Variants in NRXN3 observed in about 807,000 individuals in gnomAD.
The protein encoded by NRXN3 is neurexin III.
A neutral mutation model predicts 137.6 loss-of-function variants in NRXN3; 32 were observed. The ratio of observed to expected loss-of-function variants is 0.23; its 90% CI spans 0.18 to 0.31. The LOEUF is 0.31. Among genes scored for constraint, NRXN3 ranks in the 10% least tolerant of loss-of-function variants. NRXN3 has a pLI of 1.00. For missense variants in NRXN3, 1,574 were observed against 2,062.5 expected (o/e 0.76, Z 4.59); for synonymous variants, 798 against 784.5 (o/e 1.02, Z -0.29).
rs2141954574 is a variant in NRXN3 at position 79,861,176 on chromosome 14, T to C, written c.4094-166T>C. On this transcript the variant is annotated intron_variant, in intron 20 of 20. Transcript: ENST00000335750. This position sits in a 1 kb window ranked among gnomAD's most constrained non-coding sequence, Gnocchi z 5.4. Reference sequence around the variant, plus strand: ...TATTGAGACCACCAAAGATTCCCTGTCCATGACCTCTGAGGCGGGGTTACC... The same window carrying C: ...TATTGAGACCACCAAAGATTCCCTGCCCATGACCTCTGAGGCGGGGTTACC... 1.3e-6 allele frequency: 2 copies of C among 1,529,258 alleles called. No homozygotes were observed. Among genetic ancestry groups the C allele is most frequent in the East Asian group, 2.5e-5 (1 of 40,390 alleles). 94.7% of individuals were successfully genotyped at this position (1,529,258 alleles called of 1,614,324 possible). A position where few individuals can be genotyped will look rare whatever the true frequency, so the allele number is the denominator to read the frequency against.
At chr14:78,704,699 T>C (rs2098327908) in intron 6 of NRXN3, among the ~76,000 whole-genome samples, 1 of 152,148 alleles carries the variant, frequency 6.6e-6, no homozygotes, top group Non-Finnish European at 1.5e-5. Context: ...TCAAGTTCTG[T>C]TTATGCATTT....
At chr14:79,034,126 T>C (rs1461479371) in intron 15 of NRXN3, among the ~76,000 whole-genome samples, 4 of 152,042 alleles carry the variant, frequency 2.6e-5, no homozygotes, top group African/African-American at 9.7e-5. Context: ...AGCCTCAACA[T>C]GTGCCTTCTA....
intron 15 of NRXN3, among the ~76,000 whole-genome samples, chr14:79,300,001 C>T (rs560005528): frequency 3.3e-5 from 5 of 152,094 alleles, no homozygotes; most frequent in South Asian, 2.1e-4. Flanking sequence ...AAAGTTCCTG[C>T]GTTGGAAAAT....
intron 8 of NRXN3, among the ~76,000 whole-genome samples, chr14:78,747,231 G>A (rs544372822): frequency 1.8e-4 from 28 of 152,136 alleles, no homozygotes; most frequent in Non-Finnish European, 1.3e-4. Context: ...AATCCTATGC[G>A]GATGTAGGTC....
At chr14:79,854,613 G>A (rs576711716) in intron 20 of NRXN3, among the ~76,000 whole-genome samples, 3 of 152,196 alleles carry the variant, frequency 2.0e-5, no homozygotes, top group Middle Eastern at 3.4e-3. Flanking sequence ...TTTCACCACC[G>A]TGTTTAAAGC....
rs117469240 is a variant in NRXN3 at position 79,610,156 on chromosome 14, G to T, written c.3445-53622G>T. Among the ~76,000 whole-genome samples, 875 of 152,144 alleles carry T rather than the reference G, an allele frequency of 5.8e-3. 8 individuals carry two copies. The highest frequency in any genetic ancestry group is 8.0e-3 in the Non-Finnish European group (542 of 68,024). ...TATAGTATAATAATGATATGGATAT[G>T]GCCTAATTCATAGAGTCAACATTCT... On this transcript the variant is annotated intron_variant, in intron 16 of 20. Transcript: ENST00000335750.
At chr14:78,894,604 T>C (rs1268392104) in intron 10 of NRXN3, among the ~76,000 whole-genome samples, 1 of 151,948 alleles carries the variant, frequency 6.6e-6, no homozygotes, top group Non-Finnish European at 1.5e-5. Context: ...ACTTCTCCCA[T>C]GAATCACGAA....
At chr14:79,238,383 A>G (rs2073777070) in intron 15 of NRXN3, among the ~76,000 whole-genome samples, 1 of 152,148 alleles carries the variant, frequency 6.6e-6, no homozygotes, top group African/African-American at 2.4e-5. Context: ...CTATAGAGAC[A>G]TATTCTCCCA....
chr14:79,468,973 G>T (rs1040474861), intron 16 of NRXN3, among the ~76,000 whole-genome samples: 1 of 152,136 alleles, frequency 6.6e-6, no homozygotes, highest in Non-Finnish European at 1.5e-5. Flanking sequence ...AAGAAAGGCA[G>T]CCATACTTAC....
intron 9 of NRXN3, among the ~76,000 whole-genome samples, chr14:78,809,645 C>A (rs1357968008): frequency 6.6e-6 from 1 of 152,158 alleles, no homozygotes; most frequent in Non-Finnish European, 1.5e-5. Flanking sequence ...GTGGTGTTAA[C>A]CCTTTCCTTA....
chr14:79,455,278 T>C (rs1567173860), intron 15 of NRXN3, among the ~76,000 whole-genome samples: 1 of 152,182 alleles, frequency 6.6e-6, no homozygotes, highest in Non-Finnish European at 1.5e-5. Flanking sequence ...TTTTATAAGA[T>C]CGTTTGTCCC....
At chr14:79,655,013 G>A (rs1181276935) in intron 16 of NRXN3, among the ~76,000 whole-genome samples, 1 of 152,158 alleles carries the variant, frequency 6.6e-6, no homozygotes, top group Non-Finnish European at 1.5e-5. Flanking sequence ...AGGAGCAGCT[G>A]CTCATTTTTG....
At chr14:79,738,716 G>A (rs1219618800) in intron 19 of NRXN3, among the ~76,000 whole-genome samples, 3 of 151,908 alleles carry the variant, frequency 2.0e-5, no homozygotes, top group South Asian at 4.1e-4. Context: ...TCACCACCAC[G>A]CCCAGCTAAT....
chr14:78,479,100 A>G (rs1442858543), intron 4 of NRXN3, among the ~76,000 whole-genome samples: 2 of 152,210 alleles, frequency 1.3e-5, no homozygotes, highest in East Asian at 3.8e-4. Flanking sequence ...TTCATAAGTG[A>G]GAAAATTATT....
chr14:78,456,799 C>CTCTCTCTTTCTTTCTTTCTTTCTTTCTT (rs1555539840), intron 4 of NRXN3, among the ~76,000 whole-genome samples: 1 of 97,620 alleles, frequency 1.0e-5, no homozygotes, highest in East Asian at 3.0e-4. Flanking sequence ...CTCTCTTTCT[C>CTCTCTCTTTCTTTCTTTCTTTCTTTCTT]TCTTTCTTTC....
chr14:79,620,043 A>G (rs976930742), intron 16 of NRXN3, among the ~76,000 whole-genome samples: 1 of 152,124 alleles, frequency 6.6e-6, no homozygotes, highest in Non-Finnish European at 1.5e-5. Flanking sequence ...TTGCATCTGG[A>G]GTTGGCTCCA....
chr14:79,250,555 C>A (rs942524329), intron 15 of NRXN3, among the ~76,000 whole-genome samples: 1 of 152,250 alleles, frequency 6.6e-6, no homozygotes, highest in African/African-American at 2.4e-5. Flanking sequence ...AGCCAAGACA[C>A]AAAGCAGTTA....
chr14:78,388,522 G>A (rs2090313738), intron 4 of NRXN3, among the ~76,000 whole-genome samples: 2 of 152,240 alleles, frequency 1.3e-5, no homozygotes, highest in East Asian at 1.9e-4. Context: ...ATATGGAACA[G>A]GGGTTGGTAC....
At chr14:78,817,849 A>C (rs936365198) in intron 10 of NRXN3, among the ~76,000 whole-genome samples, 17 of 109,034 alleles carry the variant, frequency 1.6e-4, no homozygotes, top group Non-Finnish European at 3.2e-5. Context: ...TGCCACCACA[A>C]AAAAAAAGGA....
Sources: allele counts gnomAD v4.1 joint callset (sites outside exome capture counted in the v4.1 genomes callset), GRCh38; gene constraint gnomAD v4.1.1; non-coding constraint Gnocchi (gnomAD v3.1); transcripts MANE v1.5; gene names NCBI Gene and HGNC (gene_info 2026-07-23, HGNC 2026-07-21).